The following TTLL12 variants were observed in gnomAD, a reference collection of about 807,000 sequenced individuals.
TTLL12 encodes tubulin--tyrosine ligase-like protein 12.
In TTLL12, 77 loss-of-function variants were observed where a neutral mutation model predicts 79.6. That is an observed-to-expected ratio of 0.97 (90% CI 0.81 to 1.17). The LOEUF is 1.17. Among genes scored for constraint, TTLL12 ranks in the 50% most tolerant of loss-of-function variants. TTLL12 has a pLI of 0.00. For synonymous variants in TTLL12, 437 were observed against 376.1 expected, an observed-to-expected ratio of 1.16 and a Z score of -1.87; for missense variants, 969 against 895.9, an observed-to-expected ratio of 1.08 and a Z score of -1.04.
In TTLL12 at chr22:43,168,914, TG is replaced by T; in HGVS notation, c.1645-3del. 6.2e-7 allele frequency: 1 copy of T among 1,608,804 alleles called. No homozygotes were observed. ...CGTGAAGGCCCGGAAGATCTCAGCC[TG>T]GGGACCGGGGAGCCTGAGTTACGAG... On this transcript the variant is annotated splice_polypyrimidine_tract_variant and splice_region_variant and intron_variant, in intron 12 of 13. Transcript: ENST00000216129.
In TTLL12 at chr22:43,169,348, T is replaced by C. The variant is rs958887120; in HGVS notation, c.1644+152A>G. On this transcript the variant is annotated intron_variant, in intron 12 of 13. Coordinates refer to ENST00000216129, the MANE Select transcript of TTLL12 (RefSeq NM_015140.4). ...GGGTGGAAGGGAGGGGAGCCCACGCTGTCTTGCCAGCCTCTGGGGAGAATG... is the reference window on the plus strand; with the variant it reads ...GGGTGGAAGGGAGGGGAGCCCACGCCGTCTTGCCAGCCTCTGGGGAGAATG... 8 of 687,410 alleles carry C rather than the reference T, an allele frequency of 1.2e-5. No homozygotes were observed. In the African/African-American group the frequency reaches 1.3e-4, roughly 11 times the overall value. 42.6% of individuals were successfully genotyped at this position (687,410 alleles called of 1,614,324 possible). A position where few individuals can be genotyped will look rare whatever the true frequency, so the allele number is the denominator to read the frequency against.
rs8140599 is a variant in TTLL12 at position 43,171,807 on chromosome 22, C to T, written c.1575+12G>A. 7.7e-3 allele frequency: 12,460 copies of T among 1,613,472 alleles called. 827 individuals carry two copies. In the African/African-American group the frequency reaches 0.15, roughly 19 times the overall value. Reference sequence around the variant, plus strand: ...CTGTGTGAACCTGCTCTGCACCTCCCTCAGGCCCTACCTGCTTCAGCACCA... The same window carrying T: ...CTGTGTGAACCTGCTCTGCACCTCCTTCAGGCCCTACCTGCTTCAGCACCA... On this transcript the variant is annotated intron_variant, in intron 11 of 13. Coordinates refer to ENST00000216129, the MANE Select transcript of TTLL12 (RefSeq NM_015140.4).
intron 11 of TTLL12, 42 bp from the exon 12 acceptor site, chr22:43,169,610 C>T (rs746957320): frequency 1.6e-5 from 26 of 1,601,372 alleles, no homozygotes; most frequent in South Asian, 3.3e-5. Flanking sequence ...TACAGGCCTC[C>T]GCTGGGCCGG....
rs973366956 is a variant in TTLL12 at position 43,166,650 on chromosome 22, G to C, written c.*1358C>G. 1.3e-5 allele frequency: 2 copies of C among 152,292 alleles called. No individual in the cohort carries two copies. The highest frequency in any genetic ancestry group is 2.9e-5 in the Non-Finnish European group (2 of 68,080). 9.4% of individuals were successfully genotyped at this position (152,292 alleles called of 1,614,324 possible). ...GAGAAGATGGCCTTTATTGCAGCAC[G>C]AACTGAGGGGGACTGCATGTCCACA... On this transcript the variant is annotated 3_prime_UTR_variant, in exon 14 of 14. Transcript: ENST00000216129.
intron 12 of TTLL12, 108 bp downstream of exon 12, chr22:43,169,392 A>T: frequency 1.0e-6 from 1 of 968,834 alleles, no homozygotes; most frequent in Non-Finnish European, 1.5e-6. Flanking sequence ...CAGGGGACAA[A>T]GGTCCCTCCC....
At chr22:43,171,703 G>A (rs1217571526) in intron 11 of TTLL12, 116 bp downstream of exon 11, 4 of 762,166 alleles carry the variant, frequency 5.2e-6, no homozygotes, top group Non-Finnish European at 8.6e-6. Context: ...AACTCAGGAG[G>A]CGGCTCCTGG....
At chr22:43,175,452 G>C (rs961241924) in intron 6 of TTLL12, 1 of 152,244 alleles carries the variant, frequency 6.6e-6, no homozygotes, top group African/African-American at 2.4e-5. Context: ...GGCATGCACA[G>C]GCCTGGCTAG....
At chr22:43,182,049 G>A (rs1932071903) in intron 2 of TTLL12, among the ~76,000 whole-genome samples, 1 of 129,378 alleles carries the variant, frequency 7.7e-6, no homozygotes, top group Non-Finnish European at 1.8e-5. Context: ...GGAAGCAGGT[G>A]GGGCTGAAAC....
At chr22:43,180,681 G>A (rs1932032906) in intron 3 of TTLL12, 61 bp downstream of exon 3, 1 of 1,565,850 alleles carries the variant, frequency 6.4e-7, no homozygotes, top group Non-Finnish European at 8.7e-7. Flanking sequence ...ATGGCACAGG[G>A]CAGCGGAGGT....
At chr22:43,180,171 T>C (rs1932019145) in intron 3 of TTLL12, among the ~76,000 whole-genome samples, 171 bp from the exon 4 acceptor site, 1 of 152,162 alleles carries the variant, frequency 6.6e-6, no homozygotes, top group African/African-American at 2.4e-5. Flanking sequence ...ACAGCAGCCC[T>C]GCCTTTGCAG....
At chr22:43,168,471 G>A (rs1931675251) in intron 13 of TTLL12, among the ~76,000 whole-genome samples, 1 of 152,034 alleles carries the variant, frequency 6.6e-6, no homozygotes, top group Non-Finnish European at 1.5e-5. Context: ...TGTACTGTGT[G>A]GGGGTCTGGC....
At chr22:43,184,630 C>T (rs1313094902) in intron 1 of TTLL12, among the ~76,000 whole-genome samples, 1 of 152,222 alleles carries the variant, frequency 6.6e-6, no homozygotes, top group Non-Finnish European at 1.5e-5. Flanking sequence ...TCTCCTTTAG[C>T]CCTCAAGGTG....
Position 43,174,281 on chromosome 22 carries a change from C to G in TTLL12, c.1157G>C (p.Trp386Ser), listed in dbSNP as rs765075574. 2 of 1,611,188 alleles carry G rather than the reference C, an allele frequency of 1.2e-6. No homozygotes were observed. The highest frequency in any genetic ancestry group is 1.7e-6 in the Non-Finnish European group (2 of 1,179,758). The change falls in exon 8 of 14, where the codon TGG becomes TCG. Residue 386 changes from tryptophan (W) to serine (S), a missense_variant. By Grantham distance (177) the Trp-to-Ser change is radical (BLOSUM62 -3). Transcript: ENST00000216129. The stretch of plus-strand genomic sequence containing the variant: ...GCGCAGGTTGAAGGTTCGGGGCAGC[C>G]AGGGTGGGCCCTCGGGGCCACCTGC... Reference protein sequence around the residue: ...RRAGGPEGPPWLPRTFNLRTE... With the variant: ...RRAGGPEGPPSLPRTFNLRTE...
In TTLL12 at chr22:43,168,179, C is replaced by A. The variant is rs1931667395; in HGVS notation, c.1784-20G>T. 1 of 1,612,132 alleles carries A rather than the reference C, an allele frequency of 6.2e-7. No homozygotes were observed. The highest frequency in any genetic ancestry group is 1.3e-5 in the African/African-American group (1 of 74,908). On this transcript the variant is annotated intron_variant, in intron 13 of 13. Coordinates refer to ENST00000216129, the MANE Select transcript of TTLL12 (RefSeq NM_015140.4). ...GCCTTCCTGATGGCAAAGAGCGCAG[C>A]AGAGTGTGAAGGCTCGTTGGCCTCC...
chr22:43,168,996 GC>G, intron 12 of TTLL12, 84 bp from the exon 13 acceptor site: 1 of 1,474,320 alleles, frequency 6.8e-7, no homozygotes, highest in Non-Finnish European at 9.0e-7. Context: ...CAAGTCCCGG[GC>G]CCCACGTGGC....
intron 5 of TTLL12, among the ~76,000 whole-genome samples, chr22:43,179,133 G>A (rs1208202431): frequency 6.6e-6 from 1 of 152,218 alleles, no homozygotes; most frequent in Non-Finnish European, 1.5e-5. Context: ...CTTACCTCCA[G>A]CCAGGCACTA....
chr22:43,171,347 C>T (rs1569483608), intron 11 of TTLL12, among the ~76,000 whole-genome samples: 1 of 152,204 alleles, frequency 6.6e-6, no homozygotes. Flanking sequence ...CACTGAGTGC[C>T]CACTGCATGG....
rs566653805 is a variant in TTLL12 at position 43,179,068 on chromosome 22, C to T, written c.840+551G>A. ...TCTTCCTCCCCCGGCACTGGGGCCTCGACAACTCCGACTCCCTAACCCGCC... is the reference window on the plus strand; with the variant it reads ...TCTTCCTCCCCCGGCACTGGGGCCTTGACAACTCCGACTCCCTAACCCGCC... On this transcript the variant is annotated intron_variant, in intron 5 of 13. Coordinates refer to ENST00000216129, the MANE Select transcript of TTLL12 (RefSeq NM_015140.4). 1.8e-4 allele frequency among the ~76,000 whole-genome samples: 27 copies of T among 152,198 alleles called. No individual in the cohort carries two copies. The South Asian group carries it at 3.3e-3, about 19-fold the overall frequency.
At position 43,172,549 on chromosome 22, in the gene TTLL12, C is replaced by G. The variant is rs747816267; in HGVS notation, c.1347G>C (p.Val449=). 7 of 1,614,086 alleles carry G rather than the reference C, an allele frequency of 4.3e-6. No individual in the cohort carries two copies. The South Asian group carries it at 7.7e-5, about 18-fold the overall frequency. The change falls in exon 10 of 14, where the codon GTG becomes GTC. Residue 449 remains valine, a synonymous_variant. Coordinates refer to ENST00000216129, the MANE Select transcript of TTLL12 (RefSeq NM_015140.4). ...IRHRESTPKV[V]SKYIESPVLF... ...ACACGGGACTTTCGATGTACTTGGA[C>G]ACAACCTGGAGGACACAGGTGCAAG...
Sources: allele counts gnomAD v4.1 joint callset (sites outside exome capture counted in the v4.1 genomes callset), GRCh38; gene constraint gnomAD v4.1.1; transcripts MANE v1.5; gene names NCBI Gene and HGNC (gene_info 2026-07-23, HGNC 2026-07-21).